The following UNC5C variants were observed in gnomAD, a reference collection of about 807,000 sequenced individuals.
UNC5C encodes netrin receptor UNC5C.
A neutral mutation model predicts 99.8 loss-of-function variants in UNC5C; 47 were observed. The ratio of observed to expected loss-of-function variants is 0.47; its 90% CI spans 0.37 to 0.60. The LOEUF (loss-of-function observed/expected upper bound fraction) is 0.60, where lower values mean the gene tolerates loss of function less well. UNC5C is among the 20% of genes least tolerant of loss of function. The pLI is 0.00. For synonymous variants in UNC5C, 487 were observed against 452.2 expected, an observed-to-expected ratio of 1.08 and a Z score of -0.98; for missense variants, 1,062 against 1,165.9, an observed-to-expected ratio of 0.91 and a Z score of 1.30.
At chr4:95,271,420 G>C (rs942033918) in intron 4 of UNC5C, among the ~76,000 whole-genome samples, 2 of 151,902 alleles carry the variant, frequency 1.3e-5, no homozygotes, top group African/African-American at 4.8e-5. Context: ...TAGTAGAGAC[G>C]GGGTTTCACT....
intron 1 of UNC5C, among the ~76,000 whole-genome samples, chr4:95,536,394 T>C (rs1373800003): frequency 6.6e-6 from 1 of 152,156 alleles, no homozygotes; most frequent in Non-Finnish European, 1.5e-5. Flanking sequence ...TATTTTTTTT[T>C]AGTGTCATTC....
intron 12 of UNC5C, among the ~76,000 whole-genome samples, chr4:95,193,392 A>G (rs1737237509): frequency 1.3e-5 from 2 of 152,224 alleles, no homozygotes; most frequent in South Asian, 4.1e-4. Context: ...GAGCCGGCAC[A>G]GGAGGCTGAG....
chr4:95,339,321 T>G (rs1354870749), intron 1 of UNC5C, among the ~76,000 whole-genome samples: 7 of 151,974 alleles, frequency 4.6e-5, no homozygotes. Flanking sequence ...ATCCCTGCCA[T>G]GCTAAAATTT....
At chr4:95,536,082 A>ATATATATATATATATATATATATTTTT (rs1180330785) in intron 1 of UNC5C, among the ~76,000 whole-genome samples, 1 of 78,444 alleles carries the variant, frequency 1.3e-5, no homozygotes, top group East Asian at 2.8e-4. Context: ...ATATATATAT[A>ATATATATATATATATATATATATTTTT]TTTTTTTTTT....
At chr4:95,171,700 C>G (rs946070085) in intron 14 of UNC5C, among the ~76,000 whole-genome samples, 4 of 151,666 alleles carry the variant, frequency 2.6e-5, no homozygotes, top group Non-Finnish European at 5.9e-5. Flanking sequence ...AGTAAACATA[C>G]GTGTGCATGT....
intron 1 of UNC5C, among the ~76,000 whole-genome samples, chr4:95,478,351 C>T (rs925316327): frequency 1.4e-4 from 22 of 151,946 alleles, no homozygotes; most frequent in African/African-American, 5.3e-4. Context: ...TTCTTGTTTT[C>T]AGCTGCCACT....
intron 1 of UNC5C, among the ~76,000 whole-genome samples, chr4:95,534,659 T>C (rs1388926837): frequency 6.6e-6 from 1 of 152,188 alleles, no homozygotes; most frequent in Non-Finnish European, 1.5e-5. Flanking sequence ...GATTAACACA[T>C]ATATGCTTGT....
intron 12 of UNC5C, among the ~76,000 whole-genome samples, chr4:95,198,953 T>C (rs1737543142): frequency 6.6e-6 from 1 of 151,908 alleles, no homozygotes; most frequent in Admixed American, 6.6e-5. Flanking sequence ...ACCCAGGGAG[T>C]ATTAAGAAAA....
chr4:95,471,131 G>A (rs1747954372), intron 1 of UNC5C, among the ~76,000 whole-genome samples: 1 of 151,708 alleles, frequency 6.6e-6, no homozygotes, highest in Admixed American at 6.6e-5. Context: ...TTATTTCTAT[G>A]AGGGCGGGGT....
chr4:95,440,056 T>C (rs1200578210), intron 1 of UNC5C, among the ~76,000 whole-genome samples: 2 of 152,364 alleles, frequency 1.3e-5, no homozygotes, highest in South Asian at 2.1e-4. Context: ...CACCTGTTGC[T>C]GCTTCTGCTT....
Position 95,216,203 on chromosome 4 carries a change from A to C in UNC5C, c.1654T>G (p.Leu552Val). Residue 552 changes from leucine to valine, a missense_variant, in exon 10 of 16, where the codon TTG (leucine) becomes GTG (valine). Leu to Val is a conservative substitution (Grantham distance 32). Coordinates refer to ENST00000453304, the MANE Select transcript of UNC5C (RefSeq NM_003728.4). Reference protein sequence around the residue: ...HLIVPNSGVSLLIPAGAIPQG... With the variant: ...HLIVPNSGVSVLIPAGAIPQG... The stretch of plus-strand genomic sequence containing the variant: ...GGAATGGCCCCAGCGGGAATCAGCA[A>C]GCTGACTCCTGAATAGCAAAAGAGA... The C allele has an allele frequency of 6.2e-7, 1 of 1,612,804 alleles. No individual in the cohort carries two copies. The highest frequency in any genetic ancestry group is 8.5e-7 in the Non-Finnish European group (1 of 1,179,588).
intron 7 of UNC5C, among the ~76,000 whole-genome samples, chr4:95,238,893 GT>G (rs1167736673): frequency 3.3e-5 from 5 of 151,788 alleles, no homozygotes; most frequent in South Asian, 2.1e-4. Flanking sequence ...CATTCCATTT[GT>G]TTTTTTCTCC....
At chr4:95,489,104 G>C (rs1201839474) in intron 1 of UNC5C, among the ~76,000 whole-genome samples, 1 of 149,648 alleles carries the variant, frequency 6.7e-6, no homozygotes, top group Non-Finnish European at 1.5e-5. Context: ...GCAGGAAAGG[G>C]GGAGGGGGAG....
In UNC5C at chr4:95,548,865, A is replaced by C; in HGVS notation, c.-8T>G. 1 of 1,611,060 alleles carries C rather than the reference A, an allele frequency of 6.2e-7. No homozygotes were observed. The highest frequency in any genetic ancestry group is 8.5e-7 in the Non-Finnish European group (1 of 1,178,778). ...CCGCAGACCTTTCCTCATCGTAGAC[A>C]GAGGTGTGCCGGGGGGAGGGGAGGG... On this transcript the variant is annotated 5_prime_UTR_variant, in exon 1 of 16. Transcript: ENST00000453304.
rs115901100 is a variant in UNC5C at position 95,198,438 on chromosome 4, G to A, written c.2136+4293C>T. Among the ~76,000 whole-genome samples the A allele has an allele frequency of 4.0e-3, 609 of 152,248 alleles. 1 individual carries two copies. The highest frequency in any genetic ancestry group is 0.014 in the African/African-American group (589 of 41,530). ...ATTGCTAATGAAGATGAAATCCAGA[G>A]CACATCTATGCCAGTGAATAGATAA... On this transcript the variant is annotated intron_variant, in intron 12 of 15. Coordinates refer to ENST00000453304, the MANE Select transcript of UNC5C (RefSeq NM_003728.4).
intron 1 of UNC5C, among the ~76,000 whole-genome samples, chr4:95,483,219 T>C (rs1721221897): frequency 6.6e-6 from 1 of 151,600 alleles, no homozygotes; most frequent in South Asian, 2.1e-4. Flanking sequence ...AGCAAATAAT[T>C]CACCCAGACT....
At chr4:95,483,090 C>T (rs1199015074) in intron 1 of UNC5C, among the ~76,000 whole-genome samples, 1 of 150,334 alleles carries the variant, frequency 6.7e-6, no homozygotes, top group Non-Finnish European at 1.5e-5. Flanking sequence ...CCATGACTAC[C>T]TTGTTTTCAA....
intron 1 of UNC5C, among the ~76,000 whole-genome samples, chr4:95,461,655 T>A (rs1020680522): frequency 1.3e-5 from 2 of 152,192 alleles, no homozygotes; most frequent in Admixed American, 6.5e-5. Flanking sequence ...TCTATGAAAA[T>A]AACAACAATG....
At chr4:95,444,423 CT>C (rs1747036743) in intron 1 of UNC5C, among the ~76,000 whole-genome samples, 1 of 151,898 alleles carries the variant, frequency 6.6e-6, no homozygotes, top group Non-Finnish European at 1.5e-5. Context: ...ATCCGCCCCC[CT>C]GGCTTCACGC....
Sources: allele counts gnomAD v4.1 joint callset (sites outside exome capture counted in the v4.1 genomes callset), GRCh38; gene constraint gnomAD v4.1.1; transcripts MANE v1.5; gene names NCBI Gene and HGNC (gene_info 2026-07-23, HGNC 2026-07-21).